The following DOCK5 variants were observed in gnomAD, a reference collection of about 807,000 sequenced individuals.
DOCK5 encodes the protein dedicator of cytokinesis 5.
DOCK5 carries 142 observed loss-of-function variants against 251.8 expected under a neutral mutation model. That is an observed-to-expected ratio of 0.56 (90% CI 0.49 to 0.65). The LOEUF is 0.65. Ranked by LOEUF, DOCK5 falls within the 30% of genes least tolerant of loss-of-function variation. The pLI is 0.00. For missense variants in DOCK5, 2,111 were observed against 2,312.3 expected (o/e 0.91, Z 1.79); for synonymous variants, 842 against 835.5 (o/e 1.01, Z -0.13).
At chr8:25,353,083 G>A (rs180780228) in intron 27 of DOCK5, among the ~76,000 whole-genome samples, 129 of 152,268 alleles carry the variant, frequency 8.5e-4, no homozygotes, top group African/African-American at 3.0e-3. Context: ...ACGATTGCAA[G>A]TAAAACTGTC....
At chr8:25,300,483 T>C in intron 8 of DOCK5, 93 bp from the exon 9 acceptor site, 1 of 1,163,290 alleles carries the variant, frequency 8.6e-7, no homozygotes, top group Non-Finnish European at 1.2e-6. Flanking sequence ...TTTCTGGCCT[T>C]TCCTCCTTCC....
chr8:25,357,362 G>GA (rs1800594604), intron 27 of DOCK5, among the ~76,000 whole-genome samples: 2 of 139,764 alleles, frequency 1.4e-5, no homozygotes, highest in Middle Eastern at 3.8e-3. Flanking sequence ...CTTTATAATT[G>GA]AAAAAATAAA....
At chr8:25,284,336 A>G (rs1042218614) in intron 5 of DOCK5, among the ~76,000 whole-genome samples, 1 of 152,192 alleles carries the variant, frequency 6.6e-6, no homozygotes, top group Admixed American at 6.5e-5. Context: ...TGCTCCTAGA[A>G]AGAGCTGATT....
At position 25,268,849 on chromosome 8, in the gene DOCK5, G is replaced by A. The variant is rs770610949; in HGVS notation, c.132G>A (p.Trp44Ter). Residue 44 changes from tryptophan (W) to a stop codon, truncating the protein, a stop_gained, in exon 3 of 52, where the codon TGG (tryptophan) becomes TGA (stop). Coordinates refer to ENST00000276440, the MANE Select transcript of DOCK5 (RefSeq NM_024940.8). LOFTEE classifies it high-confidence loss of function. Reference protein sequence around the residue: ...TVHILEMYEGWYRGYTLQNKS... With the variant: ...TVHILEMYEG ...TGTTCTCTTTTGCTCTGACAGGTTG[G>A]TACAGAGGATATACCCTCCAAAATA... 3 of 1,570,842 alleles carry A rather than the reference G, an allele frequency of 1.9e-6. No individual in the cohort carries two copies. The highest frequency in any genetic ancestry group is 1.7e-6 in the Non-Finnish European group (2 of 1,161,568).
intron 40 of DOCK5, among the ~76,000 whole-genome samples, chr8:25,386,754 G>C (rs1567123): frequency 0.29 from 43,389 of 152,038 alleles, 6,322 homozygotes; most frequent in Non-Finnish European, 0.32. Flanking sequence ...TGACCACAGA[G>C]ACAGCAGTGA....
intron 2 of DOCK5, among the ~76,000 whole-genome samples, chr8:25,257,146 A>G (rs903475336): frequency 6.6e-6 from 1 of 152,100 alleles, no homozygotes; most frequent in African/African-American, 2.4e-5. Context: ...AGAACTCCAA[A>G]TAGAGCCCCC....
chr8:25,352,553 A>G (rs1800490342), intron 27 of DOCK5, among the ~76,000 whole-genome samples: 1 of 152,214 alleles, frequency 6.6e-6, no homozygotes, highest in Admixed American at 6.5e-5. Flanking sequence ...TTTACTTCCT[A>G]TATTAAAAGC....
chr8:25,397,572 G>T (rs1194340492), intron 45 of DOCK5, among the ~76,000 whole-genome samples: 1 of 152,180 alleles, frequency 6.6e-6, no homozygotes, highest in East Asian at 1.9e-4. Context: ...ATAATATCCA[G>T]TGTTACAATG....
chr8:25,249,919 A>G (rs77115698), intron 2 of DOCK5, among the ~76,000 whole-genome samples: 3,458 of 152,234 alleles, frequency 0.023, 154 homozygotes, highest in African/African-American at 0.078. Flanking sequence ...ATCTCTTTTC[A>G]TTGCTGAGTA....
chr8:25,201,234 C>T (rs1401952142), intron 1 of DOCK5, among the ~76,000 whole-genome samples: 1 of 152,170 alleles, frequency 6.6e-6, no homozygotes, highest in African/African-American at 2.4e-5. Context: ...GTGAATAAAC[C>T]ATTAGCCTCA....
rs572058613 is a variant in DOCK5, at chr8:25,230,152, T to A, written c.44-13522T>A. 5.9e-5 allele frequency among the ~76,000 whole-genome samples: 9 copies of A among 152,282 alleles called. No homozygotes were observed. In the South Asian group the frequency reaches 1.5e-3, roughly 25 times the overall value. Reference sequence around the variant, plus strand: ...TTAATCTCTCAGAGATTATGTTTCTTTATCTGTAAAACGAGGACTATGAGC... The same window carrying A: ...TTAATCTCTCAGAGATTATGTTTCTATATCTGTAAAACGAGGACTATGAGC... On this transcript the variant is annotated intron_variant, in intron 1 of 51. Coordinates refer to ENST00000276440, the MANE Select transcript of DOCK5 (RefSeq NM_024940.8).
chr8:25,265,893 C>T (rs1803732652), intron 2 of DOCK5, among the ~76,000 whole-genome samples: 1 of 151,852 alleles, frequency 6.6e-6, no homozygotes, highest in African/African-American at 2.4e-5. Flanking sequence ...TAGCAACTCT[C>T]TGTTATTTTC....
At chr8:25,221,811 G>C (rs1000464721) in intron 1 of DOCK5, among the ~76,000 whole-genome samples, 1 of 152,146 alleles carries the variant, frequency 6.6e-6, no homozygotes, top group Non-Finnish European at 1.5e-5. Flanking sequence ...GAAAATGAAG[G>C]CTTAAAGAAG....
chr8:25,362,954 G>A, intron 28 of DOCK5, 93 bp from the exon 29 acceptor site: 1 of 900,736 alleles, frequency 1.1e-6, no homozygotes, highest in Non-Finnish European at 1.8e-6. Flanking sequence ...GGAACATCCT[G>A]TTCTGAGGTT....
intron 2 of DOCK5, among the ~76,000 whole-genome samples, chr8:25,267,903 C>T (rs775231682): frequency 2.5e-4 from 38 of 151,704 alleles, no homozygotes; most frequent in Non-Finnish European, 4.4e-4. Flanking sequence ...CGCTCTGTTG[C>T]CTAGGCTGGA....
chr8:25,399,198 A>T (rs1299183574), intron 45 of DOCK5, among the ~76,000 whole-genome samples: 1 of 152,196 alleles, frequency 6.6e-6, no homozygotes, highest in Non-Finnish European at 1.5e-5. Context: ...TGTCTTTAAA[A>T]CAGTACCCTA....
intron 48 of DOCK5, 47 bp downstream of exon 48, chr8:25,403,771 A>G: frequency 1.9e-6 from 3 of 1,591,630 alleles, no homozygotes; most frequent in Non-Finnish European, 1.7e-6. Flanking sequence ...GTAACGCCTT[A>G]CTAATGTTTG....
Position 25,411,300 on chromosome 8 carries a change from G to T in DOCK5, c.*2G>T. The stretch of plus-strand genomic sequence containing the variant: ...ACTTCCGAGCCTGGATCCCAGTAAG[G>T]ATCTTGCCCTCCCTGCAACACCGAG... On this transcript the variant is annotated 3_prime_UTR_variant, in exon 52 of 52. Transcript: ENST00000276440. 1 of 1,505,686 alleles carries T rather than the reference G, an allele frequency of 6.6e-7. No homozygotes were observed. Among genetic ancestry groups the T allele is most frequent in the Non-Finnish European group, 8.8e-7 (1 of 1,131,066 alleles). The allele number at this position is 1,505,686 out of a possible 1,614,324, so 93.3% of individuals were successfully genotyped here. A position where few individuals can be genotyped will look rare whatever the true frequency, so the allele number is the denominator to read the frequency against.
intron 2 of DOCK5, among the ~76,000 whole-genome samples, chr8:25,250,876 T>G (rs1471108514): frequency 6.6e-6 from 1 of 152,202 alleles, no homozygotes; most frequent in Non-Finnish European, 1.5e-5. Flanking sequence ...TTGTCTAGAT[T>G]GACTGTCCCT....
Sources: gnomAD v4.1 joint callset for allele counts (sites outside exome capture counted in the v4.1 genomes callset) on GRCh38, gnomAD v4.1.1 for gene constraint, MANE v1.5 for transcripts, NCBI Gene and HGNC (gene_info 2026-07-23, HGNC 2026-07-21) for gene names.